PPP1R18: variants seen among roughly 807,000 people sequenced by gnomAD.
PPP1R18 encodes phostensin.
In PPP1R18, 31 loss-of-function variants were observed where a neutral mutation model predicts 54.8. The observed-to-expected ratio is 0.57, with a 90% CI of 0.43 to 0.76. PPP1R18 has a LOEUF of 0.76. Among genes scored for constraint, PPP1R18 ranks in the 30% least tolerant of loss-of-function variants. The pLI, the probability that PPP1R18 is intolerant of heterozygous loss-of-function variation, is 0.00. For missense variants in PPP1R18, 685 were observed against 776.1 expected (o/e 0.88, Z 1.39); for synonymous variants, 310 against 320.2 (o/e 0.97, Z 0.34).
chr6:30,681,835 C>T (rs1770569529), intron 1 of PPP1R18, among the ~76,000 whole-genome samples: 1 of 152,116 alleles, frequency 6.6e-6, no homozygotes, highest in Non-Finnish European at 1.5e-5. Context: ...AGGGTTTGTT[C>T]AGACCTCACA....
rs1770675578 is a variant in PPP1R18 at position 30,683,496 on chromosome 6, A to T, written c.1611+912T>A. Among the ~76,000 whole-genome samples the T allele has an allele frequency of 6.6e-6, 1 of 152,146 alleles. No homozygotes were observed. The highest frequency in any genetic ancestry group is 1.9e-4 in the East Asian group (1 of 5,194). Reference sequence around the variant, plus strand: ...CTCCCTGGCCAGTGCCTGTTCTCAAAACTGTCTCCAAATTCACTTCTCTCT... The same window carrying T: ...CTCCCTGGCCAGTGCCTGTTCTCAATACTGTCTCCAAATTCACTTCTCTCT... On this transcript the variant is annotated intron_variant, in intron 1 of 2. Coordinates refer to ENST00000274853, the MANE Select transcript of PPP1R18 (RefSeq NM_133471.4). This position sits in a 1 kb window ranked among gnomAD's most constrained non-coding sequence, Gnocchi z 5.1.
Position 30,686,035 on chromosome 6 carries a change from G to C in PPP1R18, c.-17C>G, listed in dbSNP as rs1485120882. On this transcript the variant is annotated 5_prime_UTR_variant, in exon 1 of 3. Transcript: ENST00000274853. ...GGTGGCCATGGTCGTCTTGAGGTGAGGGTAGGGAGCACTGGGGACAGAGAA... is the reference window on the plus strand; with the variant it reads ...GGTGGCCATGGTCGTCTTGAGGTGACGGTAGGGAGCACTGGGGACAGAGAA... The C allele has an allele frequency of 6.5e-7, 1 of 1,540,358 alleles. No individual in the cohort carries two copies. The highest frequency in any genetic ancestry group is 8.7e-7 in the Non-Finnish European group (1 of 1,151,556).
rs1770226504 is a variant in PPP1R18 at position 30,677,029 on chromosome 6, C to T, written c.*240G>A. 1.5e-6 allele frequency: 1 copy of T among 671,034 alleles called. No individual in the cohort carries two copies. Among genetic ancestry groups the T allele is most frequent in the Admixed American group, 2.3e-5 (1 of 44,152 alleles). The allele number at this position is 671,034 out of a possible 1,614,324, so 41.6% of individuals were successfully genotyped here. ...CCCTTCTCAGGACTTGGCGCTCACT[C>T]TTGGATGACCTAGGATGCACCAGCA... On this transcript the variant is annotated 3_prime_UTR_variant, in exon 3 of 3. Coordinates refer to ENST00000274853, the MANE Select transcript of PPP1R18 (RefSeq NM_133471.4).
rs56269849 is a variant in PPP1R18 at position 30,686,613 on chromosome 6, G to A, written c.-595C>T. 0.048 allele frequency: 7,340 copies of A among 154,394 alleles called. 342 individuals are homozygous for A. The highest frequency in any genetic ancestry group is 0.11 in the African/African-American group (4,752 of 41,438). 9.6% of individuals were successfully genotyped at this position (154,394 alleles called of 1,614,324 possible). On this transcript the variant is annotated 5_prime_UTR_variant, in exon 1 of 3. Coordinates refer to ENST00000274853, the MANE Select transcript of PPP1R18 (RefSeq NM_133471.4). The stretch of plus-strand genomic sequence containing the variant: ...GGAAACCAGGGAAGAGGGGAAAGGA[G>A]GGCGGCGGCAGCAGCCGGGCGCGTC...
chr6:30,680,384 G>C (rs1448157384), intron 1 of PPP1R18, among the ~76,000 whole-genome samples: 1 of 152,188 alleles, frequency 6.6e-6, no homozygotes, highest in African/African-American at 2.4e-5. Flanking sequence ...GAACTACTTG[G>C]AAAGGTCCAA....
intron 2 of PPP1R18, 26 bp from the exon 3 acceptor site, chr6:30,677,314 A>G: frequency 6.3e-7 from 1 of 1,580,866 alleles, no homozygotes. Flanking sequence ...CAATAATGTT[A>G]GAGAATGAGT....
chr6:30,686,591 A>G lies in PPP1R18; in HGVS notation c.-573T>C. ...GCGAACAGGTCTAGAGGAGAAGGGA[A>G]ACCAGGGAAGAGGGGAAAGGAGGGC... On this transcript the variant is annotated 5_prime_UTR_variant, in exon 1 of 3. Coordinates refer to ENST00000274853, the MANE Select transcript of PPP1R18 (RefSeq NM_133471.4). 1 of 154,024 alleles carries G rather than the reference A, an allele frequency of 6.5e-6. No homozygotes were observed. Among genetic ancestry groups the G allele is most frequent in the Non-Finnish European group, 1.4e-5 (1 of 69,096 alleles). The allele number at this position is 154,024 out of a possible 1,614,324, so 9.5% of individuals were successfully genotyped here. A position where few individuals can be genotyped will look rare whatever the true frequency, so the allele number is the denominator to read the frequency against.
rs1583007092 is a variant in PPP1R18 at position 30,686,106 on chromosome 6, T to G, written c.-88A>C. On this transcript the variant is annotated 5_prime_UTR_variant, in exon 1 of 3. Coordinates refer to ENST00000274853, the MANE Select transcript of PPP1R18 (RefSeq NM_133471.4). ...GAGTGAGACAGCCCGGGGGTGAGAC[T>G]GAGGGTGGGAGGAGAGGAAGTGGAG... 1 of 1,370,828 alleles carries G rather than the reference T, an allele frequency of 7.3e-7. No individual in the cohort carries two copies. The highest frequency in any genetic ancestry group is 2.3e-5 in the East Asian group (1 of 42,992). The allele number at this position is 1,370,828 out of a possible 1,614,324, so 84.9% of individuals were successfully genotyped here.
chr6:30,681,844 C>A (rs1319444477), intron 1 of PPP1R18, among the ~76,000 whole-genome samples: 2 of 152,132 alleles, frequency 1.3e-5, no homozygotes, highest in African/African-American at 2.4e-5. Flanking sequence ...TCAGACCTCA[C>A]ATGAGGTGCC....
chr6:30,688,317 C>T (rs997861749), upstream of PPP1R18: 13 of 321,046 alleles, frequency 4.0e-5, no homozygotes, highest in Non-Finnish European at 6.4e-5. The surrounding 1 kb of genome is among the most constrained non-coding windows in gnomAD (Gnocchi z 5.9). Context: ...ACCCCTGAGG[C>T]GCAGAGGCAA....
Position 30,684,589 on chromosome 6 carries a change from C to A in PPP1R18, c.1430G>T (p.Arg477Leu), listed in dbSNP as rs532801039. ...TGGGGTCGCAGGGGGCACAGACCGC[C>A]GGGGGTTGACGGTGAAGGTGTGTCC... is the stretch of plus-strand genomic sequence containing the variant. ...RSGHTFTVNP[R>L]RSVPPATPAT... The change falls in exon 1 of 3, where the codon CGG (arginine) becomes CTG (leucine). Residue 477 changes from arginine (R) to leucine (L), a missense_variant. Physicochemically the swap from Arg to Leu is moderately radical, Grantham distance 102. Transcript: ENST00000274853. The surrounding 1 kb of genome is among the most constrained non-coding windows in gnomAD (Gnocchi z 6.0). The A allele has an allele frequency of 6.3e-6, 10 of 1,598,118 alleles. No individual in the cohort carries two copies. The highest frequency in any genetic ancestry group is 8.5e-6 in the Non-Finnish European group (10 of 1,172,170).
At chr6:30,679,088 GCCTACATGTAAT>G in intron 2 of PPP1R18, 79 bp downstream of exon 2, 1 of 1,055,322 alleles carries the variant, frequency 9.5e-7, no homozygotes, top group Non-Finnish European at 1.4e-6. Flanking sequence ...CCTTCCGAGT[GCCTACATGTAAT>G]CCTCCCTCCT....
In PPP1R18 at chr6:30,676,991, G is replaced by A. The variant is rs1770223611; in HGVS notation, c.*278C>T. 1 of 605,708 alleles carries A rather than the reference G, an allele frequency of 1.7e-6. No individual in the cohort carries two copies. The highest frequency in any genetic ancestry group is 2.9e-6 in the Non-Finnish European group (1 of 339,602). 37.5% of individuals were successfully genotyped at this position (605,708 alleles called of 1,614,324 possible). On this transcript the variant is annotated 3_prime_UTR_variant, in exon 3 of 3. Coordinates refer to ENST00000274853, the MANE Select transcript of PPP1R18 (RefSeq NM_133471.4). ...GCAGGTGCTCCATCTCCACCCTCCA[G>A]GGAGTTCTGTGCCCCTTCTCAGGAC... is the stretch of plus-strand genomic sequence containing the variant.
Position 30,686,135 on chromosome 6 carries a change from G to T in PPP1R18, c.-117C>A. ...GGTGGGAGGAGAGGAAGTGGAGGGG[G>T]AGAGGTGGGACACAAAGCAGGGCAG... On this transcript the variant is annotated 5_prime_UTR_variant, in exon 1 of 3. Coordinates refer to ENST00000274853, the MANE Select transcript of PPP1R18 (RefSeq NM_133471.4). 1.9e-6 allele frequency: 2 copies of T among 1,076,208 alleles called. No homozygotes were observed. Among genetic ancestry groups the T allele is most frequent in the Non-Finnish European group, 2.7e-6 (2 of 749,300 alleles). The allele number at this position is 1,076,208 out of a possible 1,614,324, so 66.7% of individuals were successfully genotyped here. A position where few individuals can be genotyped will look rare whatever the true frequency, so the allele number is the denominator to read the frequency against.
Position 30,684,830 on chromosome 6 carries a change from A to C in PPP1R18, c.1189T>G (p.Cys397Gly). 4 of 1,612,754 alleles carry C rather than the reference A, an allele frequency of 2.5e-6. No individual in the cohort carries two copies. The highest frequency in any genetic ancestry group is 3.4e-6 in the Non-Finnish European group (4 of 1,180,000). ...GRPLRALQNC[C>G]SVPSPLPPED... is the part of the protein sequence containing the mutation. ...GGTGGGAGGGGGGAGGGCACAGAGCAGCAGTTCTGCAGGGCTCTCAGAGGC... is the reference window on the plus strand; with the variant it reads ...GGTGGGAGGGGGGAGGGCACAGAGCCGCAGTTCTGCAGGGCTCTCAGAGGC... Residue 397 changes from cysteine (C) to glycine (G), a missense_variant, in exon 1 of 3, where the codon TGC becomes GGC. Cys to Gly is a radical substitution (Grantham distance 159). Transcript: ENST00000274853. This position sits in a 1 kb window ranked among gnomAD's most constrained non-coding sequence, Gnocchi z 6.0.
intron 1 of PPP1R18, among the ~76,000 whole-genome samples, chr6:30,681,264 T>C (rs1364755455): frequency 6.6e-6 from 1 of 151,864 alleles, no homozygotes; most frequent in Non-Finnish European, 1.5e-5. Flanking sequence ...AGAACAGTAC[T>C]AGCTATTCCT....
At chr6:30,681,841 T>C (rs1490752976) in intron 1 of PPP1R18, among the ~76,000 whole-genome samples, 1 of 152,118 alleles carries the variant, frequency 6.6e-6, no homozygotes, top group Non-Finnish European at 1.5e-5. Context: ...TGTTCAGACC[T>C]CACATGAGGT....
chr6:30,677,176 C>A lies in PPP1R18; in HGVS notation c.*93G>T. The A allele has an allele frequency of 8.2e-7, 1 of 1,220,794 alleles. No homozygotes were observed. The highest frequency in any genetic ancestry group is 1.2e-6 in the Non-Finnish European group (1 of 822,440). 75.6% of individuals were successfully genotyped at this position (1,220,794 alleles called of 1,614,324 possible). ...ATGTTGGTTGCCCTTCCCTGCCAGG[C>A]TCATTATCAGGGTCTGTCTGCCCTG... On this transcript the variant is annotated 3_prime_UTR_variant, in exon 3 of 3. Coordinates refer to ENST00000274853, the MANE Select transcript of PPP1R18 (RefSeq NM_133471.4).
chr6:30,681,688 C>T (rs941550877), intron 1 of PPP1R18, among the ~76,000 whole-genome samples: 13 of 151,792 alleles, frequency 8.6e-5, no homozygotes, highest in Admixed American at 3.3e-4. Context: ...CACTTGAACC[C>T]GGGAGGTGGA....
Sources: gnomAD v4.1 joint callset for allele counts (sites outside exome capture counted in the v4.1 genomes callset) on GRCh38, gnomAD v4.1.1 for gene constraint, Gnocchi (gnomAD v3.1) non-coding constraint, MANE v1.5 for transcripts, NCBI Gene and HGNC (gene_info 2026-07-23, HGNC 2026-07-21) for gene names.